SLC44A1: variants seen among roughly 807,000 people sequenced by gnomAD.
SLC44A1 encodes solute carrier family 44 member 1.
SLC44A1 carries 26 observed loss-of-function variants against 79.3 expected under a neutral mutation model. That is an observed-to-expected ratio of 0.33 (90% CI 0.24 to 0.46). SLC44A1 has a LOEUF of 0.46. Among genes scored for constraint, SLC44A1 ranks in the 20% least tolerant of loss-of-function variants. The pLI, the probability that SLC44A1 is intolerant of heterozygous loss-of-function variation, is 1.00. For missense variants in SLC44A1, 688 were observed against 798.1 expected (o/e 0.86, Z 1.66); for synonymous variants, 263 against 286.2 (o/e 0.92, Z 0.82).
chr9:105,245,075 C>T (rs564989275), intron 1 of SLC44A1, among the ~76,000 whole-genome samples, 171 bp downstream of exon 1: 1 of 152,064 alleles, frequency 6.6e-6, no homozygotes, highest in African/African-American at 2.4e-5. Context: ...CGCCGATGCC[C>T]GTGCGCTGGC....
chr9:105,348,334 C>T, intron 4 of SLC44A1, 24 bp from the exon 5 acceptor site: 1 of 1,349,618 alleles, frequency 7.4e-7, no homozygotes, highest in Non-Finnish European at 1.1e-6. Flanking sequence ...GTTCTGCCAC[C>T]TAACATAATT....
At chr9:105,273,615 CAGTAGGAATCTTGA>C (rs1830127962) in intron 1 of SLC44A1, among the ~76,000 whole-genome samples, 1 of 151,708 alleles carries the variant, frequency 6.6e-6, no homozygotes, top group African/African-American at 2.4e-5. Flanking sequence ...TTCATTCAAG[CAGTAGGAATCTTGA>C]AGATGTGAGT....
intron 15 of SLC44A1, among the ~76,000 whole-genome samples, chr9:105,434,919 C>T (rs1026224815): frequency 3.3e-5 from 5 of 152,256 alleles, no homozygotes; most frequent in South Asian, 2.1e-4. Context: ...CCAAGATAGG[C>T]GGATTGCTTG....
At chr9:105,368,560 C>T (rs1217902133) in intron 12 of SLC44A1, among the ~76,000 whole-genome samples, 1 of 152,166 alleles carries the variant, frequency 6.6e-6, no homozygotes, top group East Asian at 1.9e-4. Context: ...GTTTTCAAAT[C>T]ATTTTGCCTT....
chr9:105,389,123 G>T lies in SLC44A1; in HGVS notation c.*67G>T, dbSNP rs942978298. ...AATATATACACATAACTATGTATTTGTGTGTGTGGGTGTGTGTATATATGT... is the reference window on the plus strand; with the variant it reads ...AATATATACACATAACTATGTATTTTTGTGTGTGGGTGTGTGTATATATGT... On this transcript the variant is annotated 3_prime_UTR_variant, in exon 16 of 16. Coordinates refer to ENST00000374720, the MANE Select transcript of SLC44A1 (RefSeq NM_080546.5). 7.0e-6 allele frequency: 11 copies of T among 1,573,660 alleles called. 1 individual carries two copies. Among genetic ancestry groups the T allele is most frequent in the South Asian group, 2.2e-5 (2 of 90,090 alleles).
intron 15 of SLC44A1, among the ~76,000 whole-genome samples, chr9:105,423,279 C>T (rs1404596625): frequency 1.3e-5 from 2 of 152,112 alleles, no homozygotes; most frequent in Non-Finnish European, 2.9e-5. Flanking sequence ...GCCTGACCAA[C>T]ATGGTGAAAC....
At chr9:105,351,207 G>T (rs947265139) in intron 5 of SLC44A1, among the ~76,000 whole-genome samples, 5 of 152,154 alleles carry the variant, frequency 3.3e-5, no homozygotes, top group African/African-American at 1.2e-4. Flanking sequence ...AGGTGCTGGG[G>T]AATTAATGAT....
chr9:105,426,160 A>G (rs555687433), intron 15 of SLC44A1, among the ~76,000 whole-genome samples: 42 of 152,248 alleles, frequency 2.8e-4, no homozygotes, highest in Middle Eastern at 3.4e-3. Flanking sequence ...TTCTATATAA[A>G]CCATTTAATA....
At chr9:105,298,912 A>G (rs906858492) in intron 1 of SLC44A1, among the ~76,000 whole-genome samples, 17 of 152,164 alleles carry the variant, frequency 1.1e-4, no homozygotes, top group African/African-American at 4.1e-4. Flanking sequence ...GTCTGCTGGG[A>G]CACAGCATAA....
chr9:105,436,471 C>T lies in SLC44A1; in HGVS notation c.1951-1810C>T, dbSNP rs570907545. Among the ~76,000 whole-genome samples the T allele has an allele frequency of 2.0e-5, 3 of 152,230 alleles. 1 individual carries two copies. The highest frequency in any genetic ancestry group is 7.2e-5 in the African/African-American group (3 of 41,546). ...CATGGAGCTTCTATAGTCCCAGCTA[C>T]CGAGGAGGCTGAAGTGGGAGGATTG... On this transcript the variant is annotated intron_variant, in intron 15 of 15. Coordinates refer to the SLC44A1 transcript ENST00000374724.
exon 16 of SLC44A1, chr9:105,438,421 A>C: frequency 2.6e-6 from 2 of 774,372 alleles, no homozygotes; most frequent in Non-Finnish European, 4.2e-6. Context: ...GAAAGCATGT[A>C]ACAAGTTTCT....
intron 12 of SLC44A1, among the ~76,000 whole-genome samples, chr9:105,368,602 A>G (rs1206877009): frequency 6.6e-6 from 1 of 152,228 alleles, no homozygotes; most frequent in Non-Finnish European, 1.5e-5. Context: ...TGCTGCCATT[A>G]TATCACACTT....
chr9:105,402,285 G>A (rs1488474944), downstream of SLC44A1, among the ~76,000 whole-genome samples: 4 of 152,122 alleles, frequency 2.6e-5, no homozygotes, highest in South Asian at 2.1e-4. Context: ...AGCCTGAGCC[G>A]GGGCCTAAGA....
intron 1 of SLC44A1, among the ~76,000 whole-genome samples, chr9:105,256,649 A>G (rs554484139): frequency 3.6e-4 from 55 of 151,530 alleles, no homozygotes; most frequent in Non-Finnish European, 5.7e-4. Flanking sequence ...TGCAGCATCA[A>G]TCTCCTGGGC....
intron 15 of SLC44A1, among the ~76,000 whole-genome samples, chr9:105,429,171 C>T (rs1162610005): frequency 6.6e-6 from 1 of 152,216 alleles, no homozygotes; most frequent in African/African-American, 2.4e-5. Flanking sequence ...TGATACGCTT[C>T]CACATCCACA....
chr9:105,320,272 T>G (rs1369615939), intron 3 of SLC44A1, among the ~76,000 whole-genome samples: 2 of 151,524 alleles, frequency 1.3e-5, no homozygotes, highest in African/African-American at 4.9e-5. Flanking sequence ...TTTTGCCATT[T>G]GGGTTATTTC....
At chr9:105,429,817 T>C (rs59524694) in intron 15 of SLC44A1, among the ~76,000 whole-genome samples, 6,426 of 146,580 alleles carry the variant, frequency 0.044, 487 homozygotes, top group African/African-American at 0.17. Flanking sequence ...AGAAATTTGG[T>C]GTGATCTCAA....
At chr9:105,341,979 A>T (rs1318539845) in intron 4 of SLC44A1, among the ~76,000 whole-genome samples, 1 of 152,188 alleles carries the variant, frequency 6.6e-6, no homozygotes, top group Non-Finnish European at 1.5e-5. Context: ...GAGAAAACTG[A>T]AACCATCTGG....
rs773457385 is a variant in SLC44A1 at position 105,395,256 on chromosome 9, A to C, written c.*6200A>C. The C allele has an allele frequency of 6.6e-6, 6 of 911,694 alleles. No homozygotes were observed. Among genetic ancestry groups the C allele is most frequent in the Non-Finnish European group, 7.9e-6 (6 of 763,180 alleles). The allele number at this position is 911,694 out of a possible 1,614,324, so 56.5% of individuals were successfully genotyped here. On this transcript the variant is annotated 3_prime_UTR_variant, in exon 16 of 16. Transcript: ENST00000374720. ...TTTTTTTGAGACGGAGTCTCGCTCTATCGCCAGCTTAGAGTGCAGTGGCTC... is the reference window on the plus strand; with the variant it reads ...TTTTTTTGAGACGGAGTCTCGCTCTCTCGCCAGCTTAGAGTGCAGTGGCTC...
Sources: gnomAD v4.1 joint callset for allele counts (sites outside exome capture counted in the v4.1 genomes callset) on GRCh38, gnomAD v4.1.1 for gene constraint, MANE v1.5 for transcripts, NCBI Gene and HGNC (gene_info 2026-07-23, HGNC 2026-07-21) for gene names.